NKX2-2: variants seen among roughly 807,000 people sequenced by gnomAD.
NKX2-2 encodes the protein NK2 homeobox 2, also known as homeobox protein Nkx-2.2.
A neutral mutation model predicts 24.6 loss-of-function variants in NKX2-2; 8 were observed. The observed-to-expected ratio is 0.32, with a 90% CI of 0.19 to 0.59. The LOEUF (loss-of-function observed/expected upper bound fraction) is 0.59, where lower values mean the gene tolerates loss of function less well. Among genes scored for constraint, NKX2-2 ranks in the 20% least tolerant of loss-of-function variants. NKX2-2 has a pLI of 0.86. For missense variants in NKX2-2, 381 were observed against 373.9 expected, an observed-to-expected ratio of 1.02 and a Z score of -0.16; for synonymous variants, 217 against 173.3, an observed-to-expected ratio of 1.25 and a Z score of -1.98.
upstream of NKX2-2, among the ~76,000 whole-genome samples, chr20:21,519,060 C>A (rs982594200): frequency 6.6e-6 from 1 of 152,132 alleles, no homozygotes; most frequent in African/African-American, 2.4e-5. Flanking sequence ...AAAGAGGGGG[C>A]GACCTTGAGG....
At chr20:21,517,653 G>C (rs1298671004), upstream of NKX2-2, among the ~76,000 whole-genome samples, 1 of 152,208 alleles carries the variant, frequency 6.6e-6, no homozygotes, top group African/African-American at 2.4e-5. Context: ...GCCAGGGCAA[G>C]TCCGGTGCCC....
chr20:21,515,598 G>C (rs923489154), upstream of NKX2-2, among the ~76,000 whole-genome samples: 1 of 131,734 alleles, frequency 7.6e-6, no homozygotes, highest in Non-Finnish European at 1.6e-5. Flanking sequence ...AAACTTTTTT[G>C]GGGGGGGGGT....
At chr20:21,520,191 A>G in the NKX2-2 span, among the ~76,000 whole-genome samples, 1 of 152,240 alleles carries the variant, frequency 6.6e-6, no homozygotes, top group South Asian at 2.1e-4. Context: ...CCCCGTTCCT[A>G]CAGAGTGGCG....
chr20:21,514,021 G>T lies in NKX2-2; in HGVS notation c.-352C>A. ...AGGCGGCGTCAGCTCGGGCTCCGGC[G>T]GCCGCTCGGCGCGCGGTGGCGGCTG... On this transcript the variant is annotated 5_prime_UTR_variant, in exon 1 of 2. Transcript: ENST00000377142. 1 of 168,226 alleles carries T rather than the reference G, an allele frequency of 5.9e-6. No individual in the cohort carries two copies. The allele number at this position is 168,226 out of a possible 1,614,324, so 10.4% of individuals were successfully genotyped here.
the NKX2-2 span, among the ~76,000 whole-genome samples, chr20:21,522,607 C>T: frequency 1.3e-5 from 2 of 152,052 alleles, no homozygotes; most frequent in South Asian, 4.1e-4. Flanking sequence ...TGGGCGAGCG[C>T]GCAGGTCCCG....
In NKX2-2 at chr20:21,512,542, C is replaced by T. The variant is rs958771777; in HGVS notation, c.260-57G>A. ...GCGTCTGGAGGCCGCGCGCAGCCTG[C>T]ACCAGACTCGGAGCACCCTGGATCC... On this transcript the variant is annotated intron_variant, in intron 1 of 1. Coordinates refer to ENST00000377142, the MANE Select transcript of NKX2-2 (RefSeq NM_002509.4). 3.2e-5 allele frequency: 43 copies of T among 1,329,876 alleles called. No individual in the cohort carries two copies. The East Asian group carries it at 1.0e-3, about 31-fold the overall frequency. The allele number at this position is 1,329,876 out of a possible 1,614,324, so 82.4% of individuals were successfully genotyped here. A position where few individuals can be genotyped will look rare whatever the true frequency, so the allele number is the denominator to read the frequency against.
At chr20:21,515,846 G>A (rs1466880942), upstream of NKX2-2, among the ~76,000 whole-genome samples, 19 of 152,292 alleles carry the variant, frequency 1.2e-4, no homozygotes, top group Admixed American at 1.2e-3. Flanking sequence ...GCCAGCGCTG[G>A]GTGAGGGCAC....
Position 21,512,143 on chromosome 20 carries a change from C to G in NKX2-2, c.602G>C (p.Arg201Pro). ...GMEVTPLPSPRRVAVPVLVRD... is the reference protein window; with the variant it reads ...GMEVTPLPSPPRVAVPVLVRD... ...GACCAAGACGGGCACGGCCACCCGGCGCGGCGAGGGCAGGGGCGTCACCTC... is the reference window on the plus strand; with the variant it reads ...GACCAAGACGGGCACGGCCACCCGGGGCGGCGAGGGCAGGGGCGTCACCTC... The change falls in exon 2 of 2, where the codon CGC (arginine) becomes CCC (proline). Residue 201 changes from arginine to proline, a missense_variant. Around this residue, in one of 3 missense-constraint regions of NKX2-2, gnomAD observed 139 missense variants for 121.7 expected, o/e 1.14. Coordinates refer to ENST00000377142, the MANE Select transcript of NKX2-2 (RefSeq NM_002509.4). 6.2e-7 allele frequency: 1 copy of G among 1,613,672 alleles called. No homozygotes were observed. The highest frequency in any genetic ancestry group is 8.5e-7 in the Non-Finnish European group (1 of 1,179,858).
chr20:21,514,942 T>C (rs1330482220), upstream of NKX2-2, among the ~76,000 whole-genome samples: 1 of 152,124 alleles, frequency 6.6e-6, no homozygotes, highest in Non-Finnish European at 1.5e-5. Context: ...AAAGACTCAT[T>C]TATTTCCTTC....
upstream of NKX2-2, among the ~76,000 whole-genome samples, chr20:21,515,891 C>G (rs1168197926): frequency 6.6e-6 from 1 of 152,194 alleles, no homozygotes; most frequent in African/African-American, 2.4e-5. Flanking sequence ...TTCTGCAGCC[C>G]TAGCTGCCTC....
chr20:21,517,776 C>A (rs2122550873), upstream of NKX2-2, among the ~76,000 whole-genome samples: 1 of 152,332 alleles, frequency 6.6e-6, no homozygotes, highest in Middle Eastern at 3.4e-3. Context: ...TGATTGCATC[C>A]TGAGGACTCC....
In NKX2-2 at chr20:21,511,432, TTTC is replaced by T. The variant is rs1361364996; in HGVS notation, c.*488_*490del. 1 of 152,826 alleles carries T rather than the reference TTTC, an allele frequency of 6.5e-6. No individual in the cohort carries two copies. 9.5% of individuals were successfully genotyped at this position (152,826 alleles called of 1,614,324 possible). ...TTACATGGCCATAAATATTTAGCAT[TTTC>T]TTATTTTTTTTTAAAAAAAGGAAGA... On this transcript the variant is annotated 3_prime_UTR_variant, in exon 2 of 2. Transcript: ENST00000377142.
upstream of NKX2-2, among the ~76,000 whole-genome samples, chr20:21,518,406 G>A (rs533608066): frequency 6.8e-4 from 104 of 152,312 alleles, no homozygotes; most frequent in Middle Eastern, 3.4e-3. Flanking sequence ...GGAGAGGGGA[G>A]GAAGAGAACC....
the NKX2-2 span, among the ~76,000 whole-genome samples, chr20:21,521,479 C>G: frequency 1.3e-5 from 2 of 152,194 alleles, no homozygotes; most frequent in African/African-American, 4.8e-5. Flanking sequence ...TCTCCAGAGA[C>G]CTCAGTCCAC....
At chr20:21,520,591 G>T in the NKX2-2 span, among the ~76,000 whole-genome samples, 3 of 152,092 alleles carry the variant, frequency 2.0e-5, no homozygotes, top group Non-Finnish European at 4.4e-5. Context: ...ACGAACTGTG[G>T]CTCCGGGCAC....
Position 21,511,485 on chromosome 20 carries a change from C to G in NKX2-2, c.*438G>C, listed in dbSNP as rs117715076. 1.3e-3 allele frequency: 209 copies of G among 156,854 alleles called. No individual in the cohort carries two copies. Among genetic ancestry groups the G allele is most frequent in the Non-Finnish European group, 2.4e-3 (171 of 71,208 alleles). 9.7% of individuals were successfully genotyped at this position (156,854 alleles called of 1,614,324 possible). ...AAATTCTCTGTATTTTTAAAGTGTTCTCCACTTGCTTTAGAAGACGGCTGA... is the reference window on the plus strand; with the variant it reads ...AAATTCTCTGTATTTTTAAAGTGTTGTCCACTTGCTTTAGAAGACGGCTGA... On this transcript the variant is annotated 3_prime_UTR_variant, in exon 2 of 2. Coordinates refer to ENST00000377142, the MANE Select transcript of NKX2-2 (RefSeq NM_002509.4).
upstream of NKX2-2, among the ~76,000 whole-genome samples, chr20:21,518,747 G>C (rs1980701207): frequency 6.6e-6 from 1 of 152,226 alleles, no homozygotes; most frequent in African/African-American, 2.4e-5. Flanking sequence ...CCTGTTGTGG[G>C]GGTGCGCTCT....
Position 21,511,257 on chromosome 20 carries a change from A to AAAAACAAAAAACAAAACC in NKX2-2, c.*665_*666insGGTTTTGTTTTTTGTTTT, listed in dbSNP as rs1451148528. On this transcript the variant is annotated 3_prime_UTR_variant, in exon 2 of 2. Transcript: ENST00000377142. ...AGAAAGCAGGGGAAAACGCAAAAAC[A>AAAAACAAAAAACAAAACC]AAAACAAAACAAAAAACAAACCCAA... The AAAAACAAAAAACAAAACC allele has an allele frequency of 6.6e-6, 1 of 152,604 alleles. No individual in the cohort carries two copies. Among genetic ancestry groups the AAAAACAAAAAACAAAACC allele is most frequent in the Non-Finnish European group, 1.5e-5 (1 of 68,052 alleles). The allele number at this position is 152,604 out of a possible 1,614,324, so 9.5% of individuals were successfully genotyped here. A position where few individuals can be genotyped will look rare whatever the true frequency, so the allele number is the denominator to read the frequency against.
At chr20:21,514,609 C>T (rs973343456), upstream of NKX2-2, among the ~76,000 whole-genome samples, 1 of 152,216 alleles carries the variant, frequency 6.6e-6, no homozygotes, top group African/African-American at 2.4e-5. Context: ...CGCGCGCCCA[C>T]CCCCGGCAAG....
Sources: gnomAD v4.1 joint callset for allele counts (sites outside exome capture counted in the v4.1 genomes callset) on GRCh38, gnomAD v4.1.1 for gene constraint, gnomAD v4.1.1 regional missense constraint, MANE v1.5 for transcripts, NCBI Gene and HGNC (gene_info 2026-07-23, HGNC 2026-07-21) for gene names.